Variants in DYRK1A observed in about 807,000 individuals in gnomAD.
DYRK1A encodes the protein dual specificity tyrosine-phosphorylation-regulated kinase 1A.
Under a neutral mutation model 79.7 loss-of-function variants are expected in DYRK1A, and 9 were observed. That is an observed-to-expected ratio of 0.11 (90% confidence interval 0.07 to 0.20). The LOEUF (loss-of-function observed/expected upper bound fraction) is 0.20. Ranked by LOEUF, DYRK1A falls within the 10% of genes least tolerant of loss-of-function variation. DYRK1A has a pLI of 1.00. For missense variants in DYRK1A, 622 were observed against 956.0 expected (o/e 0.65, Z 4.61); for synonymous variants, 349 against 329.7 (o/e 1.06, Z -0.63).
chr21:37,516,711 CA>C lies in DYRK1A; in HGVS notation c.*4181del, dbSNP rs1310626223. 1 of 152,034 alleles carries C rather than the reference CA, an allele frequency of 6.6e-6. No homozygotes were observed. 9.4% of individuals were successfully genotyped at this position (152,034 alleles called of 1,614,324 possible). A position where few individuals can be genotyped will look rare whatever the true frequency, so the allele number is the denominator to read the frequency against. ...GCTTGGTGTGTTTGGCTCTCTTTGG[CA>C]TTATGCATAGCCAAGGTCCCAGATT... is the stretch of plus-strand genomic sequence containing the variant. On this transcript the variant is annotated 3_prime_UTR_variant, in exon 12 of 12. Transcript: ENST00000647188.
Position 37,378,489 on chromosome 21 carries a change from C to T in DYRK1A, c.-77+10861C>T, listed in dbSNP as rs143142306. ...GGACGTGGTGGTGAGCCGGAGATCACGCCATTGCACTCCAGCCTGGGCAAC... is the reference window on the plus strand; with the variant it reads ...GGACGTGGTGGTGAGCCGGAGATCATGCCATTGCACTCCAGCCTGGGCAAC... On this transcript the variant is annotated intron_variant, in intron 1 of 11. Coordinates refer to ENST00000647188, the MANE Select transcript of DYRK1A (RefSeq NM_001347721.2). 2.2e-4 allele frequency among the ~76,000 whole-genome samples: 33 copies of T among 152,342 alleles called. No individual in the cohort carries two copies. The East Asian group carries it at 3.9e-3, about 18-fold the overall frequency.
chr21:37,482,187 G>A (rs2052668120), intron 5 of DYRK1A, among the ~76,000 whole-genome samples: 1 of 151,786 alleles, frequency 6.6e-6, no homozygotes, highest in Admixed American at 6.6e-5. Flanking sequence ...TAACCTGTGA[G>A]GAAAAAGCCA....
At chr21:37,417,537 T>TTTCTTTTTC in intron 1 of DYRK1A, among the ~76,000 whole-genome samples, 33 of 107,382 alleles carry the variant, frequency 3.1e-4, no homozygotes, top group Non-Finnish European at 5.4e-4. Context: ...TTCTTTTTTT[T>TTTCTTTTTC]TTTTTTTTTT....
intron 11 of DYRK1A, among the ~76,000 whole-genome samples, chr21:37,507,638 C>T (rs1256634328): frequency 1.3e-5 from 2 of 151,982 alleles, no homozygotes; most frequent in Non-Finnish European, 2.9e-5. Flanking sequence ...TGCTGGTTTC[C>T]TTGGCAGGAT....
At chr21:37,372,379 T>TG (rs2049449990) in intron 1 of DYRK1A, among the ~76,000 whole-genome samples, 1 of 145,906 alleles carries the variant, frequency 6.9e-6, no homozygotes, top group Admixed American at 6.9e-5. Flanking sequence ...GCCTGGGAGG[T>TG]GGGGGGTTGC....
chr21:37,425,379 G>T (rs1732836231), intron 2 of DYRK1A, among the ~76,000 whole-genome samples: 5 of 151,962 alleles, frequency 3.3e-5, no homozygotes, highest in Admixed American at 2.6e-4. Flanking sequence ...ATTTTCCATT[G>T]CTTTTTATGT....
chr21:37,366,257 C>T (rs2049300631), upstream of DYRK1A: 1 of 148,648 alleles, frequency 6.7e-6, no homozygotes, highest in African/African-American at 2.4e-5. Context: ...CGGCGCCCCT[C>T]CTCCTCCCCC....
At chr21:37,378,689 T>C (rs138124163) in intron 1 of DYRK1A, among the ~76,000 whole-genome samples, 181 of 152,326 alleles carry the variant, frequency 1.2e-3, no homozygotes, top group African/African-American at 4.2e-3. Context: ...GTATGAGATA[T>C]GAGTCGTGGT....
chr21:37,405,773 A>T (rs2050135661), intron 1 of DYRK1A, among the ~76,000 whole-genome samples: 1 of 151,992 alleles, frequency 6.6e-6, no homozygotes, highest in African/African-American at 2.4e-5. Flanking sequence ...CATTAGTGTG[A>T]TTTTTGTCTG....
intron 1 of DYRK1A, among the ~76,000 whole-genome samples, chr21:37,395,046 C>T (rs181200561): frequency 3.3e-5 from 5 of 152,312 alleles, no homozygotes; most frequent in African/African-American, 9.6e-5. Context: ...AGACAGATCT[C>T]TCCCTTCTTC....
intron 9 of DYRK1A, chr21:37,502,220 T>G (rs1347004917): frequency 6.6e-6 from 1 of 152,216 alleles, no homozygotes; most frequent in South Asian, 2.1e-4. Flanking sequence ...CAACATATGA[T>G]CAAGTCGTTT....
intron 2 of DYRK1A, among the ~76,000 whole-genome samples, chr21:37,422,338 G>A (rs1213657553): frequency 6.6e-6 from 1 of 152,098 alleles, no homozygotes. Context: ...ATTAATTAAT[G>A]TAGCAGTTTG....
intron 8 of DYRK1A, among the ~76,000 whole-genome samples, chr21:37,494,380 T>C (rs1481599509): frequency 6.6e-6 from 1 of 152,186 alleles, no homozygotes; most frequent in Non-Finnish European, 1.5e-5. Flanking sequence ...CACAGATTCC[T>C]ACTTCCTCTG....
chr21:37,373,276 A>G (rs1484811786), intron 1 of DYRK1A, among the ~76,000 whole-genome samples: 1 of 152,254 alleles, frequency 6.6e-6, no homozygotes, highest in Non-Finnish European at 1.5e-5. Flanking sequence ...GTAAAATGCC[A>G]TATAAATATA....
Position 37,367,943 on chromosome 21 carries a change from T to TTCC in DYRK1A, c.-77+333_-77+335dup, listed in dbSNP as rs923529993. Reference sequence around the variant, plus strand: ...CCCGAGCGAAGGGGTGGAGGTTGTCTTCCTCCTCCTCCTCCTCCTCTTCCT... The same window carrying TTCC: ...CCCGAGCGAAGGGGTGGAGGTTGTCTTCCTCCTCCTCCTCCTCCTCCTCTTCCT... On this transcript the variant is annotated intron_variant, in intron 1 of 11. Transcript: ENST00000647188. 6.8e-4 allele frequency: 109 copies of TTCC among 159,218 alleles called. 3 individuals are homozygous for TTCC. The East Asian group carries it at 0.016, about 24-fold the overall frequency. 9.9% of individuals were successfully genotyped at this position (159,218 alleles called of 1,614,324 possible). A position where few individuals can be genotyped will look rare whatever the true frequency, so the allele number is the denominator to read the frequency against.
In DYRK1A at chr21:37,366,871, G is replaced by A. The variant is rs1212867973; in HGVS notation, c.-834G>A. ...TAAAAAGCCCCATTGGAGTGAGGCG[G>A]GGGTGGCGGCGGCAACCGCGGCGGG... On this transcript the variant is annotated 5_prime_UTR_variant, in exon 1 of 12. Coordinates refer to ENST00000647188, the MANE Select transcript of DYRK1A (RefSeq NM_001347721.2). 3 of 152,960 alleles carry A rather than the reference G, an allele frequency of 2.0e-5. No homozygotes were observed. The highest frequency in any genetic ancestry group is 7.2e-5 in the African/African-American group (3 of 41,458). 9.5% of individuals were successfully genotyped at this position (152,960 alleles called of 1,614,324 possible).
At chr21:37,466,107 A>G (rs1021723371) in intron 2 of DYRK1A, among the ~76,000 whole-genome samples, 14 of 152,188 alleles carry the variant, frequency 9.2e-5, no homozygotes, top group African/African-American at 2.9e-4. Context: ...CAAGGGAACT[A>G]CCTGTTTCTT....
intron 2 of DYRK1A, chr21:37,425,629 G>A (rs2050597261): frequency 6.6e-6 from 1 of 152,156 alleles, no homozygotes; most frequent in African/African-American, 2.4e-5. Context: ...TTGAAAGAAT[G>A]TCTAAGTTCT....
chr21:37,411,567 G>T (rs1378117756), intron 1 of DYRK1A, among the ~76,000 whole-genome samples: 2 of 152,134 alleles, frequency 1.3e-5, no homozygotes, highest in Non-Finnish European at 2.9e-5. Context: ...TGAAGTACAG[G>T]TGTAGAAATG....
Sources: gnomAD v4.1 joint callset for allele counts (sites outside exome capture counted in the v4.1 genomes callset) on GRCh38, gnomAD v4.1.1 for gene constraint, MANE v1.5 for transcripts, NCBI Gene and HGNC (gene_info 2026-07-23, HGNC 2026-07-21) for gene names.